PARVA: variants seen among roughly 807,000 people sequenced by gnomAD.
PARVA encodes the protein alpha-parvin.
Under a neutral mutation model 52.6 loss-of-function variants are expected in PARVA, and 25 were observed. The observed-to-expected ratio is 0.48, with a 90% CI of 0.35 to 0.66. PARVA has a LOEUF of 0.66. PARVA is among the 30% of genes least tolerant of loss of function. PARVA has a pLI of 0.01. For missense variants in PARVA, 373 were observed against 450.9 expected (o/e 0.83, Z 1.56); for synonymous variants, 185 against 179.1 (o/e 1.03, Z -0.26).
intron 1 of PARVA, among the ~76,000 whole-genome samples, chr11:12,459,585 T>C (rs191751554): frequency 3.5e-4 from 53 of 152,208 alleles, no homozygotes; most frequent in Middle Eastern, 3.4e-3. Flanking sequence ...TTCCAAAAAC[T>C]GGAAACTACC....
At chr11:12,382,764 C>T (rs1939511587) in intron 1 of PARVA, among the ~76,000 whole-genome samples, 1 of 152,210 alleles carries the variant, frequency 6.6e-6, no homozygotes, top group African/African-American at 2.4e-5. Context: ...CATTCTATGA[C>T]TTAAGACAAG....
At chr11:12,518,730 T>C (rs1941602570) in intron 12 of PARVA, among the ~76,000 whole-genome samples, 1 of 152,202 alleles carries the variant, frequency 6.6e-6, no homozygotes, top group Admixed American at 6.5e-5. Context: ...ACACATGCCA[T>C]GCGTGGGATC....
intron 1 of PARVA, among the ~76,000 whole-genome samples, chr11:12,384,818 G>A (rs926091240): frequency 9.9e-5 from 15 of 152,146 alleles, no homozygotes; most frequent in African/African-American, 2.9e-4. Flanking sequence ...GGTTGGTCCC[G>A]GGTGTAACAA....
chr11:12,488,720 A>G (rs1941193972), intron 4 of PARVA, among the ~76,000 whole-genome samples: 1 of 152,228 alleles, frequency 6.6e-6, no homozygotes, highest in South Asian at 2.1e-4. Context: ...CCTCATCAAA[A>G]GTCTATACTC....
chr11:12,497,164 T>G (rs1027858172), intron 5 of PARVA, among the ~76,000 whole-genome samples: 1 of 152,216 alleles, frequency 6.6e-6, no homozygotes, highest in Admixed American at 6.5e-5. Flanking sequence ...TAGTTTATAA[T>G]AATTATTAGT....
chr11:12,501,847 T>C (rs1941367014), intron 5 of PARVA, among the ~76,000 whole-genome samples: 2 of 152,118 alleles, frequency 1.3e-5, no homozygotes, highest in African/African-American at 4.8e-5. Context: ...CATTGCTCAC[T>C]AAGACAATGG....
At chr11:12,411,810 A>G (rs1939995866) in intron 1 of PARVA, among the ~76,000 whole-genome samples, 1 of 152,116 alleles carries the variant, frequency 6.6e-6, no homozygotes, top group Non-Finnish European at 1.5e-5. Flanking sequence ...AAATCACTGG[A>G]GAAGATCAAG....
At chr11:12,524,121 T>C (rs1004437843) in intron 12 of PARVA, among the ~76,000 whole-genome samples, 1 of 152,198 alleles carries the variant, frequency 6.6e-6, no homozygotes, top group Non-Finnish European at 1.5e-5. Context: ...CAGGGCTTAG[T>C]CCACGTGAAT....
At chr11:12,520,639 T>C (rs183148642) in intron 12 of PARVA, among the ~76,000 whole-genome samples, 82 of 152,234 alleles carry the variant, frequency 5.4e-4, no homozygotes, top group African/African-American at 1.9e-3. Context: ...TAGCATCAAG[T>C]TCCTAACCAG....
intron 1 of PARVA, among the ~76,000 whole-genome samples, chr11:12,428,367 C>T (rs866989263): frequency 6.6e-6 from 1 of 152,164 alleles, no homozygotes; most frequent in South Asian, 2.1e-4. Flanking sequence ...CACAGCAGAT[C>T]TATAACTAAA....
chr11:12,425,756 C>G (rs958823860), intron 1 of PARVA, among the ~76,000 whole-genome samples: 2 of 152,246 alleles, frequency 1.3e-5, no homozygotes, highest in East Asian at 3.9e-4. Context: ...TTTTGTTTAG[C>G]AAACAGAGTC....
rs1554901960 is a variant in PARVA at position 12,504,774 on chromosome 11, G to GGGGTGTGTGT, written c.657+346_657+347insGGTGTGTGTG. ...ATGGGGTCAGGAGGAAAGGTATGTG[G>GGGGTGTGTGT]GTGTGTGTGTGTGTGTGTGAGTTTG... On this transcript the variant is annotated intron_variant, in intron 6 of 12. Transcript: ENST00000334956. Among the ~76,000 whole-genome samples, 359 of 149,344 alleles carry GGGGTGTGTGT rather than the reference G, an allele frequency of 2.4e-3. 1 individual carries two copies. Among genetic ancestry groups the GGGGTGTGTGT allele is most frequent in the African/African-American group, 6.7e-3 (269 of 40,358 alleles).
chr11:12,473,598 A>G, intron 1 of PARVA, 147 bp from the exon 2 acceptor site: 2 of 646,340 alleles, frequency 3.1e-6, no homozygotes, highest in Non-Finnish European at 5.5e-6. Context: ...AGGCGAGGCC[A>G]TGAATTGATC....
chr11:12,419,613 A>G (rs954659912), intron 1 of PARVA, among the ~76,000 whole-genome samples: 9 of 152,136 alleles, frequency 5.9e-5, no homozygotes, highest in African/African-American at 1.7e-4. Flanking sequence ...ACTGTTTTCA[A>G]TTCTTTTGAG....
intron 10 of PARVA, among the ~76,000 whole-genome samples, chr11:12,514,666 T>C (rs1941547160): frequency 2.6e-5 from 4 of 152,182 alleles, no homozygotes; most frequent in Non-Finnish European, 1.5e-5. Flanking sequence ...TTTTTGTATT[T>C]AGTAGAGACG....
rs115933930 is a variant in PARVA at position 12,483,459 on chromosome 11, G to A, written c.400+5510G>A. Among the ~76,000 whole-genome samples the A allele has an allele frequency of 4.9e-3, 748 of 152,304 alleles. 7 individuals are homozygous for A. Among genetic ancestry groups the A allele is most frequent in the Middle Eastern group, 0.02 (6 of 294 alleles). The stretch of plus-strand genomic sequence containing the variant: ...ACCAGGGCTCATAGCTGGGCCCTCT[G>A]AGAAACCACGTAACAACACATCTCA... On this transcript the variant is annotated intron_variant, in intron 4 of 12. Coordinates refer to ENST00000334956, the MANE Select transcript of PARVA (RefSeq NM_018222.5).
chr11:12,459,625 G>A (rs1940748559), intron 1 of PARVA, among the ~76,000 whole-genome samples: 1 of 152,072 alleles, frequency 6.6e-6, no homozygotes, highest in Non-Finnish European at 1.5e-5. Flanking sequence ...GAATGGTTAT[G>A]TACGGTGTGT....
At chr11:12,507,444 C>A (rs1056970519) in intron 6 of PARVA, among the ~76,000 whole-genome samples, 3 of 152,216 alleles carry the variant, frequency 2.0e-5, no homozygotes, top group African/African-American at 4.8e-5. Context: ...CCCATGCCCA[C>A]ACAGTGCTTT....
intron 5 of PARVA, among the ~76,000 whole-genome samples, chr11:12,501,037 G>A (rs1941356959): frequency 6.6e-6 from 1 of 151,816 alleles, no homozygotes; most frequent in South Asian, 2.1e-4. Flanking sequence ...GAACCCAGGA[G>A]GAGGTGTTTG....
Sources: allele counts gnomAD v4.1 joint callset (sites outside exome capture counted in the v4.1 genomes callset), GRCh38; gene constraint gnomAD v4.1.1; transcripts MANE v1.5; gene names NCBI Gene and HGNC (gene_info 2026-07-23, HGNC 2026-07-21).